ARHGEF28: variants seen among roughly 807,000 people sequenced by gnomAD.
ARHGEF28 encodes Rho guanine nucleotide exchange factor 28, also known as 190 kDa guanine nucleotide exchange factor.
In ARHGEF28, 152 loss-of-function variants were observed where a neutral mutation model predicts 206.6. The observed-to-expected ratio is 0.74, with a 90% CI of 0.64 to 0.84. The LOEUF (loss-of-function observed/expected upper bound fraction) is 0.84, where lower values mean the gene tolerates loss of function less well. Among genes scored for constraint, ARHGEF28 ranks in the 40% least tolerant of loss-of-function variants. ARHGEF28 has a pLI of 0.00. For synonymous variants in ARHGEF28, 763 were observed against 776.4 expected, an observed-to-expected ratio of 0.98 and a Z score of 0.29; for missense variants, 2,028 against 2,073.2, an observed-to-expected ratio of 0.98 and a Z score of 0.42.
intron 4 of ARHGEF28, among the ~76,000 whole-genome samples, chr5:73,761,008 C>T (rs911756545): frequency 3.3e-5 from 5 of 152,138 alleles, no homozygotes; most frequent in Non-Finnish European, 5.9e-5. Flanking sequence ...GGATTCCGGT[C>T]ACTCTCTCTC....
At position 73,838,994 on chromosome 5, in the gene ARHGEF28, A is replaced by G. The variant is rs141583463; in HGVS notation, c.1147-1486A>G. On this transcript the variant is annotated intron_variant, in intron 10 of 35. Coordinates refer to ENST00000513042, the MANE Select transcript of ARHGEF28 (RefSeq NM_001177693.2). Reference sequence around the variant, plus strand: ...TTGTGTTTTATGGCACTGATATTTTAAAAGAATACAGACCAGTATTTTTGT... The same window carrying G: ...TTGTGTTTTATGGCACTGATATTTTGAAAGAATACAGACCAGTATTTTTGT... Among the ~76,000 whole-genome samples the G allele has an allele frequency of 1.5e-3, 228 of 152,314 alleles. 1 individual carries two copies. The highest frequency in any genetic ancestry group is 5.5e-3 in the African/African-American group (227 of 41,574).
chr5:73,800,631 A>C (rs116156298), intron 9 of ARHGEF28, among the ~76,000 whole-genome samples: 3,139 of 152,296 alleles, frequency 0.021, 126 homozygotes, highest in African/African-American at 0.07. Flanking sequence ...TCATACCAAA[A>C]AAAACAAAAC....
intron 1 of ARHGEF28, among the ~76,000 whole-genome samples, chr5:73,664,348 C>T (rs1745809110): frequency 6.6e-6 from 1 of 152,190 alleles, no homozygotes; most frequent in Non-Finnish European, 1.5e-5. Flanking sequence ...ACCCCTTCTA[C>T]ATTTCTAACA....
At chr5:73,869,865 G>A (rs1217353972) in intron 20 of ARHGEF28, among the ~76,000 whole-genome samples, 2 of 151,870 alleles carry the variant, frequency 1.3e-5, no homozygotes, top group African/African-American at 4.8e-5. Context: ...ACGAGATCGC[G>A]CCATTGCACT....
At chr5:73,888,039 C>T (rs993081966) in intron 26 of ARHGEF28, among the ~76,000 whole-genome samples, 3 of 152,286 alleles carry the variant, frequency 2.0e-5, no homozygotes, top group South Asian at 4.1e-4. Flanking sequence ...CTCTCTTCCC[C>T]GCCCCTTCGG....
intron 35 of ARHGEF28, 99 bp downstream of exon 35, chr5:73,911,674 A>G: frequency 8.1e-7 from 1 of 1,228,996 alleles, no homozygotes; most frequent in East Asian, 2.6e-5. Flanking sequence ...CCTCCCTAGC[A>G]TGGGAATAAA....
intron 26 of ARHGEF28, among the ~76,000 whole-genome samples, chr5:73,889,033 A>G (rs1761468915): frequency 6.6e-6 from 1 of 152,210 alleles, no homozygotes; most frequent in African/African-American, 2.4e-5. Flanking sequence ...AGTCAGGTGC[A>G]CCCTACTGTT....
At chr5:73,883,917 C>G (rs767730616) in intron 24 of ARHGEF28, 33 bp downstream of exon 24, 1 of 1,393,656 alleles carries the variant, frequency 7.2e-7, no homozygotes, top group Non-Finnish European at 9.7e-7. Context: ...AAAATTTGCC[C>G]CTCTTATTAG....
At chr5:73,816,920 C>A (rs1020058883) in intron 9 of ARHGEF28, among the ~76,000 whole-genome samples, 3 of 152,034 alleles carry the variant, frequency 2.0e-5, no homozygotes, top group Non-Finnish European at 4.4e-5. Flanking sequence ...TACTGTTCCA[C>A]TTCAAGGGCT....
intron 4 of ARHGEF28, among the ~76,000 whole-genome samples, chr5:73,757,615 C>G (rs114708625): frequency 6.6e-6 from 1 of 152,132 alleles, no homozygotes; most frequent in Non-Finnish European, 1.5e-5. Context: ...AAAAGCAGAG[C>G]CTTCTTTCAG....
intron 4 of ARHGEF28, among the ~76,000 whole-genome samples, chr5:73,760,090 A>C (rs1420046922): frequency 6.6e-6 from 1 of 152,322 alleles, no homozygotes; most frequent in Non-Finnish European, 1.5e-5. Context: ...TGATGACTGC[A>C]CTGTGTCCAG....
intron 31 of ARHGEF28, chr5:73,902,857 A>G (rs1762347980): frequency 6.6e-6 from 1 of 152,322 alleles, no homozygotes; most frequent in African/African-American, 2.4e-5. Flanking sequence ...CTATGGTTCT[A>G]ATTTTTATAG....
At chr5:73,685,302 G>A (rs1215758083) in intron 2 of ARHGEF28, among the ~76,000 whole-genome samples, 1 of 152,112 alleles carries the variant, frequency 6.6e-6, no homozygotes, top group Non-Finnish European at 1.5e-5. Flanking sequence ...GACATAAACA[G>A]AAGTGGGAGT....
intron 4 of ARHGEF28, among the ~76,000 whole-genome samples, 174 bp downstream of exon 4, chr5:73,753,376 T>C (rs1289920883): frequency 6.6e-6 from 1 of 152,198 alleles, no homozygotes; most frequent in East Asian, 1.9e-4. Context: ...TGGGCTGGTT[T>C]ATGTGACTCC....
intron 2 of ARHGEF28, among the ~76,000 whole-genome samples, chr5:73,748,874 T>C (rs1391655108): frequency 6.6e-6 from 1 of 152,182 alleles, no homozygotes; most frequent in Admixed American, 6.5e-5. Flanking sequence ...CTTCAAAGCC[T>C]CTGGGGTCTG....
rs753080571 is a variant in ARHGEF28, at chr5:73,846,490, A to G, written c.1635+15A>G. The G allele has an allele frequency of 6.2e-7, 1 of 1,607,648 alleles. No homozygotes were observed. Among genetic ancestry groups the G allele is most frequent in the Non-Finnish European group, 8.5e-7 (1 of 1,174,324 alleles). ...TACAGTCGAAGGTATTCTTATTGCT[A>G]TTAATTTGGTATATTGCAAGTGTGG... On this transcript the variant is annotated intron_variant, in intron 12 of 35. Coordinates refer to ENST00000513042, the MANE Select transcript of ARHGEF28 (RefSeq NM_001177693.2).
At chr5:73,867,099 G>A (rs921641948) in intron 18 of ARHGEF28, among the ~76,000 whole-genome samples, 4 of 152,132 alleles carry the variant, frequency 2.6e-5, no homozygotes, top group Admixed American at 2.0e-4. Flanking sequence ...AAAATAAATA[G>A]TATCTTAGAA....
intron 1 of ARHGEF28, among the ~76,000 whole-genome samples, chr5:73,646,854 G>C (rs1744457556): frequency 6.6e-6 from 1 of 152,194 alleles, no homozygotes; most frequent in Non-Finnish European, 1.5e-5. Flanking sequence ...GGAGAGTAGA[G>C]TGGCTCATCT....
In ARHGEF28 at chr5:73,869,862, C is replaced by T. The variant is rs1035241089; in HGVS notation, c.2426-207C>T. The stretch of plus-strand genomic sequence containing the variant: ...GGCGGAGGTTGCAGTGAGACGAGAT[C>T]GCGCCATTGCACTCCAGCCTGGGCG... On this transcript the variant is annotated intron_variant, in intron 20 of 35. Transcript: ENST00000513042. Among the ~76,000 whole-genome samples the T allele has an allele frequency of 5.3e-5, 8 of 152,030 alleles. No individual in the cohort carries two copies. The East Asian group carries it at 7.7e-4, about 15-fold the overall frequency.
Sources: gnomAD v4.1 joint callset for allele counts (sites outside exome capture counted in the v4.1 genomes callset) on GRCh38, gnomAD v4.1.1 for gene constraint, MANE v1.5 for transcripts, NCBI Gene and HGNC (gene_info 2026-07-23, HGNC 2026-07-21) for gene names.